SPTLC1: variants seen among roughly 807,000 people sequenced by gnomAD.
The protein encoded by SPTLC1 is serine palmitoyltransferase 1.
SPTLC1 carries 55 observed loss-of-function variants against 68.9 expected under a neutral mutation model. That is an observed-to-expected ratio of 0.80 (90% CI 0.64 to 1.00). SPTLC1 has a LOEUF of 1.00. SPTLC1 is among the 50% of genes least tolerant of loss of function. The pLI is 0.00. For missense variants in SPTLC1, 449 were observed against 573.1 expected (o/e 0.78, Z 2.21); for synonymous variants, 197 against 201.6 (o/e 0.98, Z 0.19).
rs556987683 is a variant in SPTLC1, at chr9:92,105,013, G to A, written c.260+3727C>T. On this transcript the variant is annotated intron_variant, in intron 3 of 14. Coordinates refer to ENST00000262554, the MANE Select transcript of SPTLC1 (RefSeq NM_006415.4). ...CTGCCCCAGTTCCGGGCTGCTCCCT[G>A]TGGCCAGAGAAGGCGGCCTTGAAGG... The A allele has an allele frequency of 9.9e-6, 15 of 1,522,608 alleles. No homozygotes were observed. In the African/African-American group the frequency reaches 1.6e-4, roughly 17 times the overall value. 94.3% of individuals were successfully genotyped at this position (1,522,608 alleles called of 1,614,324 possible).
At chr9:92,050,156 C>T in intron 8 of SPTLC1, 89 bp from the exon 9 acceptor site, 1 of 837,186 alleles carries the variant, frequency 1.2e-6, no homozygotes, top group Non-Finnish European at 2.0e-6. Context: ...AAAGTATGTA[C>T]AGCTGACTCT....
At chr9:92,038,115 C>T (rs1262354413) in intron 13 of SPTLC1, 133 bp downstream of exon 13, 2 of 766,920 alleles carry the variant, frequency 2.6e-6, no homozygotes, top group African/African-American at 1.7e-5. Context: ...AAGAGCGGGT[C>T]ACCAGCATCT....
chr9:92,087,347 C>T (rs1329518006), intron 3 of SPTLC1, among the ~76,000 whole-genome samples: 1 of 152,112 alleles, frequency 6.6e-6, no homozygotes, highest in Non-Finnish European at 1.5e-5. Context: ...AGTTTTTCTG[C>T]TCTGTTTTTT....
At chr9:92,082,996 G>A (rs1041064826) in intron 3 of SPTLC1, among the ~76,000 whole-genome samples, 69 of 152,256 alleles carry the variant, frequency 4.5e-4, no homozygotes, top group Middle Eastern at 3.4e-3. Context: ...GCCAGTGATG[G>A]TGAGCATTTT....
rs73653020 is a variant in SPTLC1 at position 92,032,404 on chromosome 9, C to T, written c.*61G>A. On this transcript the variant is annotated 3_prime_UTR_variant, in exon 15 of 15. Coordinates refer to ENST00000262554, the MANE Select transcript of SPTLC1 (RefSeq NM_006415.4). ...CTCTTTCAGGCCACTCCATGGCCAG[C>T]GGGAGTCTTGAGTCCTCTCTGCGTG... 217 of 1,612,854 alleles carry T rather than the reference C, an allele frequency of 1.3e-4. No individual in the cohort carries two copies. The African/African-American group carries it at 2.3e-3, about 17-fold the overall frequency.
At chr9:92,090,270 A>T (rs1835308110) in intron 3 of SPTLC1, among the ~76,000 whole-genome samples, 1 of 152,208 alleles carries the variant, frequency 6.6e-6, no homozygotes, top group Admixed American at 6.5e-5. Flanking sequence ...CAACTGAAGT[A>T]GGAGTCTAGT....
intron 8 of SPTLC1, among the ~76,000 whole-genome samples, chr9:92,053,370 A>G (rs975037070): frequency 2.0e-5 from 3 of 152,248 alleles, no homozygotes; most frequent in African/African-American, 4.8e-5. Context: ...TTATTAAGTT[A>G]AACACAGAAT....
chr9:92,069,552 C>T (rs1041432340), intron 5 of SPTLC1, among the ~76,000 whole-genome samples: 2 of 152,196 alleles, frequency 1.3e-5, no homozygotes, highest in Admixed American at 1.3e-4. Flanking sequence ...TATCTGACAG[C>T]CGCCCTCTAG....
intron 14 of SPTLC1, 142 bp from the exon 15 acceptor site, chr9:92,032,700 C>A (rs1833011835): frequency 8.9e-7 from 1 of 1,128,914 alleles, no homozygotes; most frequent in African/African-American, 1.5e-5. Context: ...CACAGTGAAA[C>A]CCCATCTCTG....
chr9:92,056,458 A>AC (rs1476672619), intron 7 of SPTLC1, among the ~76,000 whole-genome samples: 1 of 152,070 alleles, frequency 6.6e-6, no homozygotes. Flanking sequence ...TGAACTCCTG[A>AC]CCTCTTGATT....
rs766211313 is a variant in SPTLC1 at position 92,067,952 on chromosome 9, TAA to T, written c.560+12_560+13del. On this transcript the variant is annotated intron_variant, in intron 6 of 14. Coordinates refer to ENST00000262554, the MANE Select transcript of SPTLC1 (RefSeq NM_006415.4). Reference sequence around the variant, plus strand: ...AAGGAACTGCTATTAGAAAACTACGTAAAGTTTACTTACACAAAAACAATGTC... The same window carrying T: ...AAGGAACTGCTATTAGAAAACTACGTAGTTTACTTACACAAAAACAATGTC... 4.3e-6 allele frequency: 7 copies of T among 1,612,824 alleles called. No individual in the cohort carries two copies. In the African/African-American group the frequency reaches 9.4e-5, roughly 22 times the overall value.
Position 92,050,102 on chromosome 9 carries a change from T to C in SPTLC1, c.781-35A>G, listed in dbSNP as rs1296042222. ...ATATAAACGTTAAAATACTAATGAT[T>C]AGCACCATATAGAACATATTATGGA... On this transcript the variant is annotated intron_variant, in intron 8 of 14. Coordinates refer to ENST00000262554, the MANE Select transcript of SPTLC1 (RefSeq NM_006415.4). 2.4e-6 allele frequency: 3 copies of C among 1,268,818 alleles called. No homozygotes were observed. In the Admixed American group the frequency reaches 5.0e-5, roughly 21 times the overall value. The allele number at this position is 1,268,818 out of a possible 1,614,324, so 78.6% of individuals were successfully genotyped here.
At chr9:92,104,448 G>T in intron 3 of SPTLC1, 1 of 1,388,158 alleles carries the variant, frequency 7.2e-7, no homozygotes, top group Admixed American at 2.5e-5. Flanking sequence ...TTATCCCTCG[G>T]AACACGGGCA....
At chr9:92,075,675 C>A (rs1834657972) in intron 5 of SPTLC1, among the ~76,000 whole-genome samples, 1 of 152,194 alleles carries the variant, frequency 6.6e-6, no homozygotes, top group Non-Finnish European at 1.5e-5. Context: ...AAATCACAGG[C>A]TATGCCCCAC....
intron 5 of SPTLC1, among the ~76,000 whole-genome samples, chr9:92,069,460 TAGA>T (rs1263306730): frequency 6.6e-6 from 1 of 152,174 alleles, no homozygotes; most frequent in East Asian, 1.9e-4. Context: ...ACACAGAGTT[TAGA>T]AGAACGTATC....
chr9:92,101,969 C>T (rs1427134775), intron 3 of SPTLC1, among the ~76,000 whole-genome samples: 1 of 152,074 alleles, frequency 6.6e-6, no homozygotes, highest in Non-Finnish European at 1.5e-5. Flanking sequence ...CCAAAAAGGC[C>T]TTTTCTAAGG....
At chr9:92,112,329 C>T in intron 2 of SPTLC1, 126 bp downstream of exon 2, 1 of 698,302 alleles carries the variant, frequency 1.4e-6, no homozygotes, top group Non-Finnish European at 2.5e-6. Context: ...ATTCATTCCC[C>T]TTGATTTCCT....
At chr9:92,091,136 T>G in intron 3 of SPTLC1, among the ~76,000 whole-genome samples, 1 of 152,248 alleles carries the variant, frequency 6.6e-6, no homozygotes. Context: ...ATCAGTTTGT[T>G]TTTTATAAAG....
intron 3 of SPTLC1, among the ~76,000 whole-genome samples, chr9:92,101,430 C>T (rs1487852862): frequency 1.3e-5 from 2 of 150,608 alleles, no homozygotes; most frequent in South Asian, 2.1e-4. Context: ...GGCGTGGTGG[C>T]GGGTGCCTGT....
Sources: allele counts gnomAD v4.1 joint callset (sites outside exome capture counted in the v4.1 genomes callset), GRCh38; gene constraint gnomAD v4.1.1; transcripts MANE v1.5; gene names NCBI Gene and HGNC (gene_info 2026-07-23, HGNC 2026-07-21).